Variants in DMD observed in about 807,000 individuals in gnomAD.
DMD encodes mutant dystrophin.
In DMD, 63 loss-of-function variants were observed where a neutral mutation model predicts 330.1. The observed-to-expected ratio is 0.19, with a 90% CI of 0.16 to 0.24. The LOEUF is 0.24. Among genes scored for constraint, DMD ranks in the 10% least tolerant of loss-of-function variants. DMD has a pLI of 1.00. For synonymous variants in DMD, 1,223 were observed against 959.8 expected (o/e 1.27, Z -5.07); for missense variants, 3,344 against 2,684.1 (o/e 1.25, Z -5.43).
chrX:33,223,955 C>T (rs891619270), intron 1 of DMD, among the ~76,000 whole-genome samples: 35 of 112,240 alleles, frequency 3.1e-4, no homozygotes, highest in African/African-American at 1.1e-3. Flanking sequence ...AGAAGATATA[C>T]AGATGGAAAA....
chrX:33,130,508 A>G (rs2095492483), intron 1 of DMD, among the ~76,000 whole-genome samples: 1 of 109,103 alleles, frequency 9.2e-6, no homozygotes, highest in Admixed American at 9.9e-5. Flanking sequence ...CCACTAGTGT[A>G]AAAAAAGGTT....
intron 76 of DMD, among the ~76,000 whole-genome samples, chrX:31,135,055 T>A (rs2035036010): frequency 1.8e-5 from 2 of 111,296 alleles, no homozygotes; most frequent in African/African-American, 3.3e-5. Context: ...AAACAAAAAA[T>A]AAATTTAAAA....
Position 32,463,680 on chromosome X carries a change from G to T in DMD, c.3277-86C>A. 4.7e-6 allele frequency: 4 copies of T among 847,393 alleles called. No individual in the cohort carries two copies. In the South Asian group the frequency reaches 1.1e-4, roughly 22 times the overall value. The allele number at this position is 847,393 out of a possible 1,213,427, so 69.8% of individuals were successfully genotyped here. On this transcript the variant is annotated intron_variant, in intron 24 of 78. Transcript: ENST00000357033. ...AACATAGCTAGAAAATGTAAAATTG[G>T]GACTGATGGCATTGCATATGGATTT...
chrX:33,290,343 T>C (rs1300937553), intron 1 of DMD, among the ~76,000 whole-genome samples: 2 of 111,625 alleles, frequency 1.8e-5, no homozygotes, highest in Non-Finnish European at 3.8e-5. Context: ...AAAGTCTCTC[T>C]GCCACATGAA....
intron 44 of DMD, among the ~76,000 whole-genome samples, chrX:31,991,109 C>A (rs1603619373): frequency 9.0e-6 from 1 of 111,530 alleles, no homozygotes; most frequent in African/African-American, 3.3e-5. Context: ...TGCAAGAACA[C>A]AGGGGGATTT....
intron 1 of DMD, among the ~76,000 whole-genome samples, chrX:33,062,975 CTT>C (rs979124922): frequency 4.5e-5 from 5 of 111,898 alleles, no homozygotes; most frequent in African/African-American, 9.7e-5. Flanking sequence ...TTTTGAAACT[CTT>C]ATTTGAAACA....
intron 42 of DMD, 141 bp downstream of exon 42, chrX:32,309,941 A>G (rs1018997205): frequency 3.0e-5 from 16 of 525,387 alleles, no homozygotes; most frequent in African/African-American, 1.4e-4. Context: ...GAAGCCAACC[A>G]CACTATCAAG....
intron 51 of DMD, among the ~76,000 whole-genome samples, chrX:31,746,610 A>G (rs776261168): frequency 3.6e-4 from 40 of 111,751 alleles, no homozygotes; most frequent in African/African-American, 1.3e-3. Context: ...GTTATATAGA[A>G]TATATTTAAT....
In DMD at chrX:31,120,762, A is replaced by AAAT. The variant is rs1317920645; in HGVS notation, c.*1154_*1156dup. 2 of 110,489 alleles carry AAAT rather than the reference A, an allele frequency of 1.8e-5. No homozygotes were observed. The highest frequency in any genetic ancestry group is 3.8e-5 in the Non-Finnish European group (2 of 52,896). The allele number at this position is 110,489 out of a possible 1,213,427, so 9.1% of individuals were successfully genotyped here. A position where few individuals can be genotyped will look rare whatever the true frequency, so the allele number is the denominator to read the frequency against. On this transcript the variant is annotated 3_prime_UTR_variant, in exon 79 of 79. Coordinates refer to ENST00000357033, the MANE Select transcript of DMD (RefSeq NM_004006.3). The stretch of plus-strand genomic sequence containing the variant: ...GTCCTGCTACTGCTTGGGAGTTAAA[A>AAAT]AATACCTTCTGATGTTCACAAGGTC...
At chrX:32,641,408 GTATATA>G (rs72324944) in intron 11 of DMD, 4,946 of 94,106 alleles carry the variant, frequency 0.053, 107 homozygotes, top group Non-Finnish European at 0.071. Flanking sequence ...TATTTTATAC[GTATATA>G]TATATATATA....
At chrX:31,686,411 CAA>C (rs1236700408) in intron 52 of DMD, among the ~76,000 whole-genome samples, 1 of 112,319 alleles carries the variant, frequency 8.9e-6, no homozygotes, top group Non-Finnish European at 1.9e-5. Flanking sequence ...AAAATGGACT[CAA>C]GACTTTCCCA....
chrX:32,398,068 G>T (rs756883924), intron 30 of DMD, among the ~76,000 whole-genome samples: 1 of 110,580 alleles, frequency 9.0e-6, no homozygotes, highest in Non-Finnish European at 1.9e-5. Context: ...CATATCACAC[G>T]TACTTAGAAA....
At chrX:32,443,134 C>T (rs768363110) in intron 27 of DMD, among the ~76,000 whole-genome samples, 1 of 110,849 alleles carries the variant, frequency 9.0e-6, no homozygotes, top group East Asian at 2.9e-4. Flanking sequence ...CAGCAATCAT[C>T]ACCACTTACT....
chrX:32,115,107 AT>A (rs1039657572), intron 44 of DMD, among the ~76,000 whole-genome samples: 4 of 110,581 alleles, frequency 3.6e-5, no homozygotes, highest in African/African-American at 1.3e-4. Flanking sequence ...TCCTTTGAGT[AT>A]TTTTTTTCTT....
chrX:31,880,706 G>A (rs1054640272), intron 47 of DMD, among the ~76,000 whole-genome samples: 1 of 112,054 alleles, frequency 8.9e-6, no homozygotes, highest in African/African-American at 3.2e-5. Context: ...TTACAATGGA[G>A]CTGAAAAATT....
intron 41 of DMD, among the ~76,000 whole-genome samples, chrX:32,312,941 CCAA>C (rs1290316189): frequency 1.6e-4 from 3 of 19,173 alleles, no homozygotes; most frequent in Non-Finnish European, 3.2e-4. Flanking sequence ...AGCCTACGAA[CCAA>C]AAAAAAAAAA....
At chrX:32,292,938 G>C (rs1157374342) in intron 42 of DMD, among the ~76,000 whole-genome samples, 2 of 112,299 alleles carry the variant, frequency 1.8e-5, no homozygotes, top group Non-Finnish European at 3.8e-5. Context: ...TATCAGCTCA[G>C]CAACAGGATA....
chrX:32,920,672 G>C (rs1431112094), intron 2 of DMD, among the ~76,000 whole-genome samples: 1 of 112,136 alleles, frequency 8.9e-6, no homozygotes, highest in Non-Finnish European at 1.9e-5. Flanking sequence ...CATATTTGTT[G>C]AATGTTTACT....
At chrX:32,072,429 GA>G (rs201020107) in intron 44 of DMD, among the ~76,000 whole-genome samples, 1,202 of 103,247 alleles carry the variant, frequency 0.012, 4 homozygotes, top group Middle Eastern at 0.036. Flanking sequence ...TTCTATTTGG[GA>G]AAAAAAAAAA....
Sources: gnomAD v4.1 joint callset for allele counts (sites outside exome capture counted in the v4.1 genomes callset) on GRCh38, gnomAD v4.1.1 for gene constraint, MANE v1.5 for transcripts, NCBI Gene and HGNC (gene_info 2026-07-23, HGNC 2026-07-21) for gene names.